APOL5: variants seen among roughly 807,000 people sequenced by gnomAD.
APOL5 encodes apolipoprotein L5, also known as apolipoprotein L, 5.
In APOL5, 29 loss-of-function variants were observed where a neutral mutation model predicts 35.5. That is an observed-to-expected ratio of 0.82 (90% CI 0.61 to 1.11). The LOEUF (loss-of-function observed/expected upper bound fraction) is 1.11. Among genes scored for constraint, APOL5 ranks in the 50% most tolerant of loss-of-function variants. The pLI is 0.00. For synonymous variants in APOL5, 188 were observed against 200.2 expected (o/e 0.94, Z 0.51); for missense variants, 514 against 530.4 (o/e 0.97, Z 0.30).
upstream of APOL5, among the ~76,000 whole-genome samples, chr22:35,716,108 A>C (rs1039892241): frequency 5.9e-5 from 9 of 152,184 alleles, no homozygotes; most frequent in African/African-American, 2.2e-4. Context: ...TAGAACCAAC[A>C]AAAAAAGAAA....
intron 1 of APOL5, among the ~76,000 whole-genome samples, chr22:35,719,242 A>G (rs1926873305): frequency 6.6e-6 from 1 of 152,164 alleles, no homozygotes; most frequent in Admixed American, 6.5e-5. Flanking sequence ...AAATTTGACT[A>G]TCTTTTTGTC....
chr22:35,718,616 A>G, intron 1 of APOL5, among the ~76,000 whole-genome samples: 1 of 134,902 alleles, frequency 7.4e-6, no homozygotes. Flanking sequence ...AAAAAAAAAA[A>G]AGACGCCAAA....
chr22:35,724,322 GT>G (rs1292463163), intron 2 of APOL5, among the ~76,000 whole-genome samples: 1 of 147,026 alleles, frequency 6.8e-6, no homozygotes, highest in African/African-American at 2.5e-5. Context: ...CTTAAATCCT[GT>G]TTCCCGATGT....
At position 35,728,593 on chromosome 22, in the gene APOL5, G is replaced by A. The variant is rs1484022248; in HGVS notation, c.1127-130G>A. On this transcript the variant is annotated intron_variant, in intron 3 of 4. Coordinates refer to ENST00000249044, the MANE Select transcript of APOL5 (RefSeq NM_030642.1). ...CCAAGTTTGGGACCCACTGCCCTGG[G>A]GCGGGAGGGGTTTTCTTCTTCTCAA... The A allele has an allele frequency of 2.3e-5, 24 of 1,033,400 alleles. No homozygotes were observed. The East Asian group carries it at 7.1e-4, about 31-fold the overall frequency. 64.0% of individuals were successfully genotyped at this position (1,033,400 alleles called of 1,614,324 possible). A position where few individuals can be genotyped will look rare whatever the true frequency, so the allele number is the denominator to read the frequency against.
chr22:35,720,344 A>C (rs181429379), intron 1 of APOL5, among the ~76,000 whole-genome samples: 16 of 152,280 alleles, frequency 1.1e-4, no homozygotes, highest in Non-Finnish European at 2.9e-5. Context: ...TTCCAGTTTT[A>C]TTGCATCCTA....
upstream of APOL5, chr22:35,717,752 A>G: frequency 1.1e-5 from 4 of 363,132 alleles, no homozygotes; most frequent in Admixed American, 5.7e-5. Flanking sequence ...AAAAAAAAAA[A>G]AGAAAGAAAA....
chr22:35,712,579 CT>C, the APOL5 span, among the ~76,000 whole-genome samples: 2 of 152,138 alleles, frequency 1.3e-5, no homozygotes, highest in East Asian at 3.9e-4. Flanking sequence ...TTTTCACATG[CT>C]TATTGGCACA....
At chr22:35,717,214 C>T, upstream of APOL5, among the ~76,000 whole-genome samples, 1 of 68,074 alleles carries the variant, frequency 1.5e-5, no homozygotes. Flanking sequence ...GGTGAATCTC[C>T]ATCTCTACAA....
At chr22:35,715,359 G>A (rs1442974417), upstream of APOL5, among the ~76,000 whole-genome samples, 1 of 152,182 alleles carries the variant, frequency 6.6e-6, no homozygotes, top group African/African-American at 2.4e-5. Flanking sequence ...AAAACTTAGT[G>A]TCAGCTGGGC....
chr22:35,726,832 T>C lies in APOL5; in HGVS notation c.764T>C (p.Phe255Ser). 1 of 1,614,216 alleles carries C rather than the reference T, an allele frequency of 6.2e-7. No homozygotes were observed. The highest frequency in any genetic ancestry group is 1.1e-5 in the South Asian group (1 of 91,078). ...AYQMAKSNSG[F>S]MAMVKNFVAK... ...CAGATGGCCAAATCCAACTCTGGCT[T>C]CATGGCTATGGTCAAGAATTTTGTG... The change falls in exon 3 of 5, where the codon TTC becomes TCC. Residue 255 changes from phenylalanine to serine, a missense_variant. Phe to Ser is a radical substitution (Grantham distance 155). Transcript: ENST00000249044.
At chr22:35,721,535 G>T (rs1601896406) in intron 2 of APOL5, among the ~76,000 whole-genome samples, 2 of 112,208 alleles carry the variant, frequency 1.8e-5, no homozygotes, top group South Asian at 3.5e-4. Flanking sequence ...GACAGAGCAG[G>T]GCTTCATTTA....
At chr22:35,722,000 C>T (rs1399076422) in intron 2 of APOL5, among the ~76,000 whole-genome samples, 1 of 152,224 alleles carries the variant, frequency 6.6e-6, no homozygotes, top group Non-Finnish European at 1.5e-5. Flanking sequence ...TTATTGACTT[C>T]TCTGTGTCCT....
At chr22:35,717,255 T>TATATA (rs1167745529), upstream of APOL5, among the ~76,000 whole-genome samples, 2 of 123,154 alleles carry the variant, frequency 1.6e-5, no homozygotes, top group African/African-American at 2.9e-5. Flanking sequence ...TATATATATA[T>TATATA]TAGCTGGGTG....
chr22:35,728,546 T>C (rs955186028), intron 3 of APOL5, among the ~76,000 whole-genome samples, 177 bp from the exon 4 acceptor site: 8 of 152,192 alleles, frequency 5.3e-5, no homozygotes, highest in Non-Finnish European at 1.0e-4. Flanking sequence ...TTTAAAGATC[T>C]CCAGGTAATT....
intron 1 of APOL5, among the ~76,000 whole-genome samples, chr22:35,720,026 C>T (rs1426574847): frequency 2.6e-5 from 4 of 152,134 alleles, no homozygotes; most frequent in African/African-American, 9.7e-5. Flanking sequence ...GATGACCTGT[C>T]AGCATCCGCC....
At chr22:35,709,176 A>G in the APOL5 span, among the ~76,000 whole-genome samples, 1 of 152,224 alleles carries the variant, frequency 6.6e-6, no homozygotes, top group East Asian at 1.9e-4. Flanking sequence ...GTTATCAAGA[A>G]CATGCAAAAC....
rs754644924 is a variant in APOL5, at chr22:35,728,707, G to C, written c.1127-16G>C. 1.9e-6 allele frequency: 3 copies of C among 1,608,674 alleles called. No homozygotes were observed. Among genetic ancestry groups the C allele is most frequent in the Admixed American group, 1.7e-5 (1 of 59,098 alleles). On this transcript the variant is annotated splice_polypyrimidine_tract_variant and intron_variant, in intron 3 of 4. Transcript: ENST00000249044. ...TTTCTTGGAAGTTGTAAGACACAGG[G>C]ACTCATGTTCCACAGGGTCTCGCTC... is the stretch of plus-strand genomic sequence containing the variant.
chr22:35,711,282 C>T, the APOL5 span, among the ~76,000 whole-genome samples: 2 of 152,124 alleles, frequency 1.3e-5, no homozygotes, highest in African/African-American at 2.4e-5. Flanking sequence ...ATCCATTCAT[C>T]CATCAATGGA....
At chr22:35,718,009 A>AT (rs1241158688) in intron 1 of APOL5, 83 bp downstream of exon 1, 5 of 1,147,370 alleles carry the variant, frequency 4.4e-6, no homozygotes, top group South Asian at 1.9e-5. Flanking sequence ...ACGTTACACT[A>AT]TTTTTTATAC....
Sources: allele counts gnomAD v4.1 joint callset (sites outside exome capture counted in the v4.1 genomes callset), GRCh38; gene constraint gnomAD v4.1.1; transcripts MANE v1.5; gene names NCBI Gene and HGNC (gene_info 2026-07-23, HGNC 2026-07-21).